Variants in SOX30 observed in about 807,000 individuals in gnomAD.
SOX30 encodes SRY-box transcription factor 30.
SOX30 carries 17 observed loss-of-function variants against 58.6 expected under a neutral mutation model. The ratio of observed to expected loss-of-function variants is 0.29; its 90% CI spans 0.20 to 0.44. The LOEUF (loss-of-function observed/expected upper bound fraction) is 0.44, where lower values mean the gene tolerates loss of function less well. Among genes scored for constraint, SOX30 ranks in the 20% least tolerant of loss-of-function variants. The pLI, the probability that SOX30 is intolerant of heterozygous loss-of-function variation, is 1.00. For missense variants in SOX30, 951 were observed against 965.8 expected (o/e 0.98, Z 0.20); for synonymous variants, 421 against 400.2 (o/e 1.05, Z -0.62).
intron 3 of SOX30, among the ~76,000 whole-genome samples, chr5:157,645,959 G>A (rs1292954680): frequency 1.3e-5 from 2 of 151,568 alleles, no homozygotes; most frequent in African/African-American, 4.9e-5. Context: ...AGCGGAGGTT[G>A]TGGTGAGCTG....
chr5:157,671,311 A>C, intron 1 of SOX30: 1 of 387,654 alleles, frequency 2.6e-6, no homozygotes, highest in Non-Finnish European at 4.6e-6. Flanking sequence ...TCGAAGCGGA[A>C]AAGGTCTGCT....
At chr5:157,628,651 T>C (rs1758719828) in intron 4 of SOX30, among the ~76,000 whole-genome samples, 1 of 151,412 alleles carries the variant, frequency 6.6e-6, no homozygotes, top group Non-Finnish European at 1.5e-5. Flanking sequence ...TTCTTTTTTT[T>C]TTTTTTTTGA....
At chr5:157,628,888 G>C (rs1183931430) in intron 4 of SOX30, among the ~76,000 whole-genome samples, 2 of 151,964 alleles carry the variant, frequency 1.3e-5, no homozygotes, top group African/African-American at 4.8e-5. Flanking sequence ...TGATCCGCCC[G>C]CCTCAGCCTC....
chr5:157,648,518 A>G, intron 2 of SOX30, 139 bp downstream of exon 2: 1 of 748,884 alleles, frequency 1.3e-6, no homozygotes. Flanking sequence ...AATCATTGTT[A>G]TAATATTAGT....
upstream of SOX30, among the ~76,000 whole-genome samples, chr5:157,653,797 C>T (rs976515022): frequency 2.6e-4 from 39 of 152,262 alleles, no homozygotes; most frequent in African/African-American, 8.9e-4. Context: ...AGTAGGAGTT[C>T]TTATACCTGG....
intron 3 of SOX30, among the ~76,000 whole-genome samples, chr5:157,643,714 A>G (rs1260495489): frequency 6.6e-6 from 1 of 152,174 alleles, no homozygotes; most frequent in African/African-American, 2.4e-5. Flanking sequence ...CACTATCTTG[A>G]TATCTTTCTT....
chr5:157,629,388 G>T (rs989961296), intron 4 of SOX30, among the ~76,000 whole-genome samples: 3 of 152,196 alleles, frequency 2.0e-5, no homozygotes, highest in Middle Eastern at 3.2e-3. Flanking sequence ...AAGACGCTAT[G>T]TAAGGCTTGG....
At chr5:157,647,612 T>G (rs1430909253) in intron 2 of SOX30, among the ~76,000 whole-genome samples, 2 of 152,162 alleles carry the variant, frequency 1.3e-5, no homozygotes. Context: ...TGGAGTGCAG[T>G]GGCACGATCT....
rs1166720450 is a variant in SOX30 at position 157,638,354 on chromosome 5, T to C, written c.1756A>G (p.Ile586Val). 6.2e-7 allele frequency: 1 copy of C among 1,613,456 alleles called. No homozygotes were observed. Among genetic ancestry groups the C allele is most frequent in the Non-Finnish European group, 8.5e-7 (1 of 1,179,724 alleles). The change falls in exon 4 of 5, where the codon ATT becomes GTT. Residue 586 changes from isoleucine (I) to valine (V), a missense_variant. By Grantham distance (29) the Ile-to-Val change is conservative. Coordinates refer to ENST00000265007, the MANE Select transcript of SOX30 (RefSeq NM_178424.2). ...GGCTGGTAGACATGTGGGTGTGGAA[T>C]GGGAGAAGCCTGGGGGATTGGAGCA... ...RSAPIPQASP[I>V]PHPHVYQPPP... is the part of the protein sequence containing the mutation.
chr5:157,640,611 T>A (rs1333034112), intron 3 of SOX30, among the ~76,000 whole-genome samples: 1 of 152,078 alleles, frequency 6.6e-6, no homozygotes, highest in African/African-American at 2.4e-5. Flanking sequence ...CCACAAATCT[T>A]ACTCAAGGGA....
chr5:157,627,525 C>A (rs1377560932), intron 4 of SOX30, among the ~76,000 whole-genome samples: 3 of 152,034 alleles, frequency 2.0e-5, no homozygotes, highest in African/African-American at 7.2e-5. Context: ...GGCACTGGAA[C>A]AGAAGACAAG....
At chr5:157,646,891 A>T in intron 2 of SOX30, 75 bp from the exon 3 acceptor site, 1 of 1,050,182 alleles carries the variant, frequency 9.5e-7, no homozygotes, top group Non-Finnish European at 1.4e-6. Context: ...ACTAAAATGC[A>T]AAGCACTTTA....
At chr5:157,666,790 C>G (rs1254557036) in intron 2 of SOX30, among the ~76,000 whole-genome samples, 1 of 152,192 alleles carries the variant, frequency 6.6e-6, no homozygotes, top group Admixed American at 6.5e-5. Context: ...ACTGCAACCT[C>G]CACCTCCTGG....
chr5:157,652,281 C>G lies in SOX30; in HGVS notation c.-203G>C, dbSNP rs541002998. 38 of 1,250,742 alleles carry G rather than the reference C, an allele frequency of 3.0e-5. No homozygotes were observed. The African/African-American group carries it at 3.7e-4, about 12-fold the overall frequency. The allele number at this position is 1,250,742 out of a possible 1,614,324, so 77.5% of individuals were successfully genotyped here. A position where few individuals can be genotyped will look rare whatever the true frequency, so the allele number is the denominator to read the frequency against. On this transcript the variant is annotated 5_prime_UTR_variant, in exon 1 of 5. Transcript: ENST00000265007. ...CCAATCACAGGCGGGTTTTCCGGCT[C>G]TTCCTGGTCCCTACTCTCGCCTCGT... is the stretch of plus-strand genomic sequence containing the variant.
At chr5:157,656,166 ATG>A (rs1759470609), upstream of SOX30, among the ~76,000 whole-genome samples, 1 of 152,092 alleles carries the variant, frequency 6.6e-6, no homozygotes, top group Admixed American at 6.6e-5. Flanking sequence ...TATGTGTATC[ATG>A]TGTGTGGTGC....
intron 4 of SOX30, among the ~76,000 whole-genome samples, chr5:157,628,791 G>A (rs1229393837): frequency 6.6e-5 from 10 of 152,054 alleles, no homozygotes; most frequent in Middle Eastern, 3.4e-3. Context: ...ACAGGTGCCC[G>A]CCACCATGTC....
upstream of SOX30, chr5:157,652,449 AG>A: frequency 1.0e-6 from 1 of 971,120 alleles, no homozygotes; most frequent in Non-Finnish European, 1.2e-6. Context: ...GGCGTTGCCC[AG>A]GAAACGTTGC....
rs1337417315 is a variant in SOX30, at chr5:157,625,833, T to C, written c.*507A>G. 6.5e-6 allele frequency: 1 copy of C among 152,694 alleles called. No individual in the cohort carries two copies. The highest frequency in any genetic ancestry group is 2.1e-4 in the South Asian group (1 of 4,838). 9.5% of individuals were successfully genotyped at this position (152,694 alleles called of 1,614,324 possible). On this transcript the variant is annotated 3_prime_UTR_variant, in exon 5 of 5. Coordinates refer to ENST00000265007, the MANE Select transcript of SOX30 (RefSeq NM_178424.2). The stretch of plus-strand genomic sequence containing the variant: ...GCCATTAAAACACATTTGGAACTTA[T>C]AATTGGTTATTAGTGTAAGTTAAAT...
chr5:157,630,895 T>C (rs1371050119), intron 4 of SOX30, among the ~76,000 whole-genome samples: 1 of 137,626 alleles, frequency 7.3e-6, no homozygotes, highest in African/African-American at 2.7e-5. Flanking sequence ...TATAATTTTA[T>C]ATATATAAAA....
Sources: allele counts gnomAD v4.1 joint callset (sites outside exome capture counted in the v4.1 genomes callset), GRCh38; gene constraint gnomAD v4.1.1; transcripts MANE v1.5; gene names NCBI Gene and HGNC (gene_info 2026-07-23, HGNC 2026-07-21).